Variants in BCKDHB observed in about 807,000 individuals in gnomAD.
BCKDHB encodes branched chain keto acid dehydrogenase E1 subunit beta, also known as 2-oxoisovalerate dehydrogenase subunit beta, mitochondrial.
Under a neutral mutation model 48.5 loss-of-function variants are expected in BCKDHB, and 41 were observed. The ratio of observed to expected loss-of-function variants is 0.85; its 90% CI spans 0.66 to 1.10. The LOEUF (loss-of-function observed/expected upper bound fraction) is 1.10, where lower values mean the gene tolerates loss of function less well. BCKDHB is among the 50% of genes least tolerant of loss of function. The probability of loss-of-function intolerance (pLI) is 0.00; values close to 1 mark genes in which losing one functional copy is unlikely to be tolerated. For missense variants in BCKDHB, 496 were observed against 494.2 expected (o/e 1.00, Z -0.03); for synonymous variants, 201 against 174.8 (o/e 1.15, Z -1.18).
At chr6:80,139,178 A>T (rs903101201) in intron 3 of BCKDHB, among the ~76,000 whole-genome samples, 3 of 152,022 alleles carry the variant, frequency 2.0e-5, no homozygotes, top group Non-Finnish European at 2.9e-5. Flanking sequence ...AATTTGTTTG[A>T]GTTCATTGTA....
At chr6:80,126,195 T>C (rs1770331527) in intron 1 of BCKDHB, among the ~76,000 whole-genome samples, 1 of 152,164 alleles carries the variant, frequency 6.6e-6, no homozygotes, top group Non-Finnish European at 1.5e-5. Flanking sequence ...AGGACGTATC[T>C]GACTGGGGAT....
intron 9 of BCKDHB, among the ~76,000 whole-genome samples, chr6:80,281,052 A>G (rs984915504): frequency 1.3e-5 from 2 of 149,274 alleles, no homozygotes; most frequent in South Asian, 4.3e-4. Flanking sequence ...GTGTGTGTAT[A>G]AGGTAATGAG....
At chr6:80,465,065 T>C in the BCKDHB span, among the ~76,000 whole-genome samples, 5 of 152,036 alleles carry the variant, frequency 3.3e-5, no homozygotes, top group Admixed American at 6.6e-5. Flanking sequence ...CACCAGAGAG[T>C]GTTAACTACC....
intron 3 of BCKDHB, among the ~76,000 whole-genome samples, chr6:80,156,435 T>C (rs746013322): frequency 2.2e-4 from 33 of 152,088 alleles, no homozygotes; most frequent in Non-Finnish European, 4.1e-4. Flanking sequence ...AACATTCAAG[T>C]TGTAGGCAGA....
At position 80,232,094 on chromosome 6, in the gene BCKDHB, G is replaced by A. The variant is rs148728533; in HGVS notation, c.951+28882G>A. Among the ~76,000 whole-genome samples the A allele has an allele frequency of 1.3e-3, 194 of 152,206 alleles. 1 individual carries two copies. Among genetic ancestry groups the A allele is most frequent in the African/African-American group, 4.3e-3 (180 of 41,532 alleles). On this transcript the variant is annotated intron_variant, in intron 8 of 9. Coordinates refer to ENST00000320393, the MANE Select transcript of BCKDHB (RefSeq NM_183050.4). The stretch of plus-strand genomic sequence containing the variant: ...CATTACAGCATAATCTTTTGGTGTA[G>A]GTTATAATACCAAAATGCTTTCAGA...
the BCKDHB span, among the ~76,000 whole-genome samples, chr6:80,405,041 T>C: frequency 6.6e-6 from 1 of 152,098 alleles, no homozygotes; most frequent in African/African-American, 2.4e-5. Context: ...CTGTGTATGT[T>C]CTTTGGGTCC....
intron 8 of BCKDHB, among the ~76,000 whole-genome samples, chr6:80,268,454 T>C (rs996196312): frequency 3.3e-5 from 5 of 152,226 alleles, no homozygotes; most frequent in East Asian, 1.9e-4. Context: ...TTTATTAGCT[T>C]TATATTCGGA....
intron 9 of BCKDHB, among the ~76,000 whole-genome samples, chr6:80,332,274 A>C (rs1434046112): frequency 1.3e-5 from 2 of 152,200 alleles, no homozygotes; most frequent in Non-Finnish European, 2.9e-5. Flanking sequence ...GCAGTCTGAG[A>C]CAGTGAGATC....
At chr6:80,150,205 A>G (rs1771703242) in intron 3 of BCKDHB, among the ~76,000 whole-genome samples, 1 of 152,042 alleles carries the variant, frequency 6.6e-6, no homozygotes, top group Non-Finnish European at 1.5e-5. Context: ...ATCTTCTTAT[A>G]GCCCTTGCTA....
the BCKDHB span, among the ~76,000 whole-genome samples, chr6:80,414,858 A>G: frequency 6.6e-6 from 1 of 152,130 alleles, no homozygotes; most frequent in Non-Finnish European, 1.5e-5. Context: ...TTTGGACATT[A>G]CAAGGATATT....
chr6:80,183,283 C>T (rs1489701480), intron 6 of BCKDHB, among the ~76,000 whole-genome samples: 1 of 152,060 alleles, frequency 6.6e-6, no homozygotes, highest in East Asian at 1.9e-4. Context: ...ACCACAGGTA[C>T]TGTGGGGCGG....
intron 3 of BCKDHB, among the ~76,000 whole-genome samples, chr6:80,138,296 T>C (rs1348497681): frequency 6.6e-6 from 1 of 152,142 alleles, no homozygotes; most frequent in Admixed American, 6.6e-5. Flanking sequence ...AATTCTTTTT[T>C]TTTATTATTA....
At chr6:80,285,594 A>AAAAC (rs144765828) in intron 9 of BCKDHB, among the ~76,000 whole-genome samples, 3 of 152,070 alleles carry the variant, frequency 2.0e-5, no homozygotes, top group East Asian at 1.9e-4. Context: ...CTGCCTTTAA[A>AAAAC]AAACAAACAA....
At chr6:80,392,675 A>G in the BCKDHB span, among the ~76,000 whole-genome samples, 2 of 151,610 alleles carry the variant, frequency 1.3e-5, no homozygotes, top group East Asian at 3.9e-4. Flanking sequence ...ATAGCAAATC[A>G]TTTTCAGAGA....
chr6:80,352,931 G>A, the BCKDHB span, among the ~76,000 whole-genome samples: 1 of 151,968 alleles, frequency 6.6e-6, no homozygotes, highest in South Asian at 2.1e-4. Flanking sequence ...ATAAATTTAT[G>A]GGGTACAAGT....
chr6:80,273,157 T>G lies in BCKDHB; in HGVS notation c.974T>G (p.Leu325Arg), dbSNP rs398124604. ...CAGTCTGTGATCAAAACAGGGCGAC[T>G]GCTAATCAGTCACGAGGCTCCCTTG... ...ICKSVIKTGR[L>R]LISHEAPLTG... Residue 325 changes from leucine (L) to arginine (R), a missense_variant, in exon 9 of 10, where the codon CTG becomes CGG. By Grantham distance (102) the Leu-to-Arg change is moderately radical (BLOSUM62 -2). Coordinates refer to ENST00000320393, the MANE Select transcript of BCKDHB (RefSeq NM_183050.4). 1.5e-5 allele frequency: 24 copies of G among 1,613,470 alleles called. No individual in the cohort carries two copies. The highest frequency in any genetic ancestry group is 1.9e-5 in the Non-Finnish European group (23 of 1,179,652).
chr6:80,379,906 C>T, the BCKDHB span, among the ~76,000 whole-genome samples: 1 of 151,958 alleles, frequency 6.6e-6, no homozygotes, highest in African/African-American at 2.4e-5. Context: ...ACAATAGAAA[C>T]TACAAAACAC....
At chr6:80,275,567 G>A (rs1017313028) in intron 9 of BCKDHB, among the ~76,000 whole-genome samples, 8 of 151,884 alleles carry the variant, frequency 5.3e-5, no homozygotes, top group Non-Finnish European at 1.2e-4. Context: ...AGAAAGTATA[G>A]AAAATGAATT....
At chr6:80,249,545 C>T (rs1026925655) in intron 8 of BCKDHB, among the ~76,000 whole-genome samples, 1 of 152,052 alleles carries the variant, frequency 6.6e-6, no homozygotes, top group Non-Finnish European at 1.5e-5. Flanking sequence ...ATGTTGTACT[C>T]CAAATAGTGA....
Sources: gnomAD v4.1 joint callset for allele counts (sites outside exome capture counted in the v4.1 genomes callset) on GRCh38, gnomAD v4.1.1 for gene constraint, MANE v1.5 for transcripts, NCBI Gene and HGNC (gene_info 2026-07-23, HGNC 2026-07-21) for gene names.